PNPLA7: variants seen among roughly 807,000 people sequenced by gnomAD.
PNPLA7 encodes patatin-like phospholipase domain-containing protein 7.
In PNPLA7, 153 loss-of-function variants were observed where a neutral mutation model predicts 161.7. The observed-to-expected ratio is 0.95, with a 90% CI of 0.83 to 1.08. The LOEUF (loss-of-function observed/expected upper bound fraction) is 1.08, where lower values mean the gene tolerates loss of function less well. PNPLA7 is among the 50% of genes least tolerant of loss of function. The pLI is 0.00. For synonymous variants in PNPLA7, 809 were observed against 782.1 expected, an observed-to-expected ratio of 1.03 and a Z score of -0.57; for missense variants, 1,739 against 1,856.6, an observed-to-expected ratio of 0.94 and a Z score of 1.16.
rs562315196 is a variant in PNPLA7 at position 137,505,018 on chromosome 9, G to A, written c.1473+596C>T. Among the ~76,000 whole-genome samples, 35 of 151,940 alleles carry A rather than the reference G, an allele frequency of 2.3e-4. 1 individual carries two copies. In the South Asian group the frequency reaches 6.5e-3, roughly 28 times the overall value. On this transcript the variant is annotated intron_variant, in intron 14 of 34. Transcript: ENST00000406427. ...AGCCTGGCCAACATGGTGAAACCCC[G>A]TCTCTACTAAAAATACAAAATTTAG...
intron 8 of PNPLA7, 25 bp from the exon 9 acceptor site, chr9:137,522,882 C>T (rs368084421): frequency 8.1e-6 from 13 of 1,610,750 alleles, no homozygotes; most frequent in African/African-American, 8.0e-5. Context: ...CCATCAGTCC[C>T]CACTCTGTGG....
chr9:137,462,305 C>T lies in PNPLA7; in HGVS notation c.3519G>A (p.Thr1173=). The T allele has an allele frequency of 6.2e-7, 1 of 1,609,270 alleles. No individual in the cohort carries two copies. The highest frequency in any genetic ancestry group is 8.5e-7 in the Non-Finnish European group (1 of 1,177,752). Residue 1173 remains threonine (T), a synonymous_variant, in exon 31 of 35, where the codon ACG becomes ACA. Transcript: ENST00000406427. The part of the protein sequence containing the change: ...VKVLNMAEIQ[T]RLAYVCCVRQ... The stretch of plus-strand genomic sequence containing the variant: ...GCACGCAACACACGTAGGCCAGGCG[C>T]GTCTGAATCTCTGCCATGTTCAACA...
rs568874319 is a variant in PNPLA7, at chr9:137,468,421, C to T, written c.2883-948G>A. 9.2e-5 allele frequency among the ~76,000 whole-genome samples: 14 copies of T among 152,242 alleles called. No individual in the cohort carries two copies. The highest frequency in any genetic ancestry group is 3.9e-4 in the Admixed American group (6 of 15,294). ...CAGACACAGGCTTTTACAATGACCA[C>T]GCTTAAAGTGTGCAGGGAGCCAAAA... On this transcript the variant is annotated intron_variant, in intron 25 of 34. Coordinates refer to ENST00000406427, the MANE Select transcript of PNPLA7 (RefSeq NM_001098537.3). The surrounding 1 kb of genome is among the most constrained non-coding windows in gnomAD (Gnocchi z 4.0).
Position 137,462,161 on chromosome 9 carries a change from C to T in PNPLA7, c.3645+18G>A, listed in dbSNP as rs773046165. 14 of 1,552,894 alleles carry T rather than the reference C, an allele frequency of 9.0e-6. No homozygotes were observed. Among genetic ancestry groups the T allele is most frequent in the Admixed American group, 7.5e-5 (4 of 53,072 alleles). ...GTGCCTCCGCCCGCCTCCGCCGCCG[C>T]GGGTGGCCGGCACTCACGCAGATCT... On this transcript the variant is annotated intron_variant, in intron 31 of 34. Coordinates refer to ENST00000406427, the MANE Select transcript of PNPLA7 (RefSeq NM_001098537.3).
intron 25 of PNPLA7, among the ~76,000 whole-genome samples, chr9:137,477,605 C>T (rs184248216): frequency 2.1e-4 from 32 of 152,252 alleles, no homozygotes; most frequent in Admixed American, 1.8e-3. Context: ...CGCGCCACCA[C>T]GCCTAATTTT....
intron 8 of PNPLA7, among the ~76,000 whole-genome samples, chr9:137,526,372 G>A (rs1483361866): frequency 6.6e-6 from 1 of 152,154 alleles, no homozygotes; most frequent in Non-Finnish European, 1.5e-5. Context: ...CCGCCTCCCG[G>A]GTTCACGCCA....
intron 14 of PNPLA7, among the ~76,000 whole-genome samples, chr9:137,503,965 G>GGAA (rs1223333713): frequency 1.0e-4 from 8 of 78,512 alleles, no homozygotes; most frequent in South Asian, 4.4e-4. Flanking sequence ...GAAGGAAGAA[G>GGAA]GAAGAAGAAG....
In PNPLA7 at chr9:137,519,993, C is replaced by G. The variant is rs946805608; in HGVS notation, c.1008G>C (p.Lys336Asn). The G allele has an allele frequency of 1.2e-6, 2 of 1,612,812 alleles. No individual in the cohort carries two copies. Among genetic ancestry groups the G allele is most frequent in the Non-Finnish European group, 1.7e-6 (2 of 1,179,910 alleles). ...CGCCATAGAACACCTGCTTCTTGGC[C>G]TTCCCGGCAGCCACACTGGCTACAG... ...LVSVASVAAG[K>N]AKKQVFYGEE... is the part of the protein sequence containing the mutation. Residue 336 changes from lysine to asparagine, a missense_variant, in exon 11 of 35, where the codon AAG becomes AAC. Transcript: ENST00000406427.
At position 137,543,642 on chromosome 9, in the gene PNPLA7, C is replaced by T; in HGVS notation, c.366-70G>A. 1.2e-6 allele frequency: 2 copies of T among 1,608,898 alleles called. No individual in the cohort carries two copies. The highest frequency in any genetic ancestry group is 1.1e-5 in the South Asian group (1 of 90,396). On this transcript the variant is annotated intron_variant, in intron 5 of 34. Transcript: ENST00000406427. The surrounding 1 kb of genome is among the most constrained non-coding windows in gnomAD (Gnocchi z 6.9). ...CGAAACCCACAGCATCAGTGGCTGA[C>T]ACACCAGGCAGCTCAGGGTTGGGGA... is the stretch of plus-strand genomic sequence containing the variant.
At chr9:137,526,513 A>C (rs569921549) in intron 8 of PNPLA7, among the ~76,000 whole-genome samples, 4 of 151,990 alleles carry the variant, frequency 2.6e-5, no homozygotes, top group Admixed American at 2.6e-4. Context: ...TCCTGACCTC[A>C]TGATCCACCC....
intron 30 of PNPLA7, 140 bp from the exon 31 acceptor site, chr9:137,462,471 G>T: frequency 7.0e-7 from 1 of 1,424,564 alleles, no homozygotes; most frequent in African/African-American, 1.4e-5. Context: ...GCACCCGGCC[G>T]GGGGTCCTCC....
chr9:137,471,386 A>G (rs745541880), intron 25 of PNPLA7, among the ~76,000 whole-genome samples: 18 of 152,000 alleles, frequency 1.2e-4, no homozygotes, highest in Non-Finnish European at 2.2e-4. Context: ...GGATCATGAG[A>G]TCAGGAGTTC....
chr9:137,503,511 G>GAGGAGGGGGAAGGAGA (rs2132314982), intron 14 of PNPLA7, among the ~76,000 whole-genome samples: 1 of 110,988 alleles, frequency 9.0e-6, no homozygotes, highest in African/African-American at 4.1e-5. Context: ...GAAGGAGAAG[G>GAGGAGGGGGAAGGAGA]AGGAGGAGGA....
At chr9:137,522,240 A>C (rs181734014) in intron 9 of PNPLA7, among the ~76,000 whole-genome samples, 1 of 152,124 alleles carries the variant, frequency 6.6e-6, no homozygotes, top group Non-Finnish European at 1.5e-5. Flanking sequence ...ACGCCTGGCT[A>C]ATTTTTTGTA....
intron 18 of PNPLA7, 100 bp from the exon 19 acceptor site, chr9:137,495,246 AC>A: frequency 6.5e-6 from 5 of 771,698 alleles, no homozygotes; most frequent in Non-Finnish European, 1.0e-5. Flanking sequence ...GCCACACATG[AC>A]ACCCCATCCA....
chr9:137,477,910 G>A lies in PNPLA7; in HGVS notation c.2882+124C>T, dbSNP rs972100685. 3.5e-5 allele frequency: 27 copies of A among 779,066 alleles called. No individual in the cohort carries two copies. In the Admixed American group the frequency reaches 4.8e-4, roughly 14 times the overall value. The allele number at this position is 779,066 out of a possible 1,614,324, so 48.3% of individuals were successfully genotyped here. A position where few individuals can be genotyped will look rare whatever the true frequency, so the allele number is the denominator to read the frequency against. ...GGGTGGAGGCTGGGTCTGGACAGGC[G>A]GCCTGAGGGTCTCGTCTGCGGGTGA... On this transcript the variant is annotated intron_variant, in intron 25 of 34. Coordinates refer to ENST00000406427, the MANE Select transcript of PNPLA7 (RefSeq NM_001098537.3).
chr9:137,548,778 A>G (rs1157849833), intron 1 of PNPLA7, among the ~76,000 whole-genome samples: 1 of 152,170 alleles, frequency 6.6e-6, no homozygotes, highest in Non-Finnish European at 1.5e-5. Flanking sequence ...AAGTCAGAAG[A>G]GCACTCAGAA....
At chr9:137,488,481 G>A (rs1178490168) in intron 20 of PNPLA7, among the ~76,000 whole-genome samples, 7 of 152,200 alleles carry the variant, frequency 4.6e-5, no homozygotes, top group African/African-American at 1.7e-4. Flanking sequence ...CACCAGTCAT[G>A]ATCAGAGAGG....
At position 137,467,879 on chromosome 9, in the gene PNPLA7, C is replaced by T. The variant is rs1419906000; in HGVS notation, c.2883-406G>A. On this transcript the variant is annotated intron_variant, in intron 25 of 34. Transcript: ENST00000406427. The surrounding 1 kb of genome is among the most constrained non-coding windows in gnomAD (Gnocchi z 5.1). ...CACCACTGCACTCCAGCCTGGGAGA[C>T]AGAGTGAGACTCTGACTCAAAATAA... Among the ~76,000 whole-genome samples the T allele has an allele frequency of 2.6e-5, 4 of 152,082 alleles. No individual in the cohort carries two copies. Among genetic ancestry groups the T allele is most frequent in the East Asian group, 3.9e-4 (2 of 5,194 alleles).
Sources: allele counts gnomAD v4.1 joint callset (sites outside exome capture counted in the v4.1 genomes callset), GRCh38; gene constraint gnomAD v4.1.1; non-coding constraint Gnocchi (gnomAD v3.1); transcripts MANE v1.5; gene names NCBI Gene and HGNC (gene_info 2026-07-23, HGNC 2026-07-21).